Variants in EXOC6B observed in about 807,000 individuals in gnomAD.
The protein encoded by EXOC6B is SEC15 homolog B.
A neutral mutation model predicts 113.5 loss-of-function variants in EXOC6B; 54 were observed. The ratio of observed to expected loss-of-function variants is 0.48; its 90% CI spans 0.38 to 0.60. EXOC6B has a LOEUF of 0.60. EXOC6B is among the 20% of genes least tolerant of loss of function. The pLI is 0.00. For missense variants in EXOC6B, 797 were observed against 977.5 expected (o/e 0.82, Z 2.46); for synonymous variants, 357 against 339.0 (o/e 1.05, Z -0.58).
At chr2:72,336,622 A>G (rs1403078566) in intron 19 of EXOC6B, among the ~76,000 whole-genome samples, 1 of 152,226 alleles carries the variant, frequency 6.6e-6, no homozygotes, top group Non-Finnish European at 1.5e-5. Context: ...TGGCAGTACT[A>G]AAGTTTCTAT....
In EXOC6B at chr2:72,480,720, A is replaced by G. The variant is rs2105487628; in HGVS notation, c.1696T>C (p.Leu566=). 1 of 1,599,550 alleles carries G rather than the reference A, an allele frequency of 6.3e-7. No homozygotes were observed. Among genetic ancestry groups the G allele is most frequent in the Non-Finnish European group, 8.5e-7 (1 of 1,172,166 alleles). The part of the protein sequence containing the change: ...LVQIIINTTH[L]EKSCKYLEEF... Reference sequence around the variant, plus strand: ...TCCAAGTACTTACAGGATTTCTCCAAATGTGTTGTATTGATAATAATCTGA... The same window carrying G: ...TCCAAGTACTTACAGGATTTCTCCAGATGTGTTGTATTGATAATAATCTGA... Residue 566 remains leucine, a synonymous_variant, in exon 17 of 22, where the codon TTG becomes CTG. Coordinates refer to ENST00000272427, the MANE Select transcript of EXOC6B (RefSeq NM_015189.3).
intron 1 of EXOC6B, among the ~76,000 whole-genome samples, chr2:72,801,408 T>A (rs556695777): frequency 6.6e-6 from 1 of 152,130 alleles, no homozygotes; most frequent in Non-Finnish European, 1.5e-5. Flanking sequence ...AAAAAATACA[T>A]CACTGAAAAA....
chr2:72,275,295 C>T (rs1227673114), intron 20 of EXOC6B, among the ~76,000 whole-genome samples: 1 of 152,134 alleles, frequency 6.6e-6, no homozygotes, highest in South Asian at 2.1e-4. Context: ...GTTTTACCTA[C>T]CTCATTTTGA....
At chr2:72,236,556 T>C (rs1342840045) in intron 20 of EXOC6B, among the ~76,000 whole-genome samples, 1 of 152,146 alleles carries the variant, frequency 6.6e-6, no homozygotes, top group African/African-American at 2.4e-5. Context: ...GCAGCATTTC[T>C]TGGAAACTTC....
chr2:72,332,872 T>C (rs1485837453), intron 20 of EXOC6B, among the ~76,000 whole-genome samples: 1 of 152,114 alleles, frequency 6.6e-6, no homozygotes, highest in Non-Finnish European at 1.5e-5. Flanking sequence ...GTTCTGAGAA[T>C]GACTAAGATG....
intron 1 of EXOC6B, among the ~76,000 whole-genome samples, chr2:72,824,270 T>C (rs1686768462): frequency 6.6e-6 from 1 of 151,954 alleles, no homozygotes; most frequent in Non-Finnish European, 1.5e-5. Flanking sequence ...ACAGCTGTAG[T>C]CCCAGCTACT....
chr2:72,465,061 T>C, intron 18 of EXOC6B, 99 bp downstream of exon 18: 1 of 979,088 alleles, frequency 1.0e-6, no homozygotes, highest in Non-Finnish European at 1.6e-6. Context: ...ACTGAAAATC[T>C]TCCTGGGTAG....
At chr2:72,223,568 T>C (rs1681008668) in intron 20 of EXOC6B, among the ~76,000 whole-genome samples, 2 of 152,328 alleles carry the variant, frequency 1.3e-5, no homozygotes, top group South Asian at 4.1e-4. Context: ...ATATATCATC[T>C]AATGAAAAGG....
At position 72,514,968 on chromosome 2, in the gene EXOC6B, C is replaced by T. The variant is rs1301971315; in HGVS notation, c.999+75G>A. 61 of 1,292,158 alleles carry T rather than the reference C, an allele frequency of 4.7e-5. No individual in the cohort carries two copies. Among genetic ancestry groups the T allele is most frequent in the Non-Finnish European group, 6.5e-5 (59 of 910,988 alleles). The allele number at this position is 1,292,158 out of a possible 1,614,324, so 80.0% of individuals were successfully genotyped here. On this transcript the variant is annotated intron_variant, in intron 9 of 21. Coordinates refer to ENST00000272427, the MANE Select transcript of EXOC6B (RefSeq NM_015189.3). ...ACACACACACAGACACACACACACA[C>T]ACACACACACACGCATCAAAAGACA... is the stretch of plus-strand genomic sequence containing the variant.
chr2:72,276,235 AAAC>A (rs1275332792), intron 20 of EXOC6B, among the ~76,000 whole-genome samples: 1 of 152,162 alleles, frequency 6.6e-6, no homozygotes, highest in Non-Finnish European at 1.5e-5. Context: ...TCACTGCCAG[AAAC>A]AAAACTGGCT....
At chr2:72,467,174 G>GT in intron 17 of EXOC6B, among the ~76,000 whole-genome samples, 1 of 152,186 alleles carries the variant, frequency 6.6e-6, no homozygotes, top group Non-Finnish European at 1.5e-5. Flanking sequence ...TCCTTCTTTT[G>GT]TAAGACTGTA....
chr2:72,653,246 G>A (rs2104412022), intron 6 of EXOC6B, among the ~76,000 whole-genome samples: 1 of 150,830 alleles, frequency 6.6e-6, no homozygotes, highest in Admixed American at 6.6e-5. Flanking sequence ...ATGAGTTCAT[G>A]TCCTTTGTAG....
intron 17 of EXOC6B, among the ~76,000 whole-genome samples, chr2:72,474,714 C>T (rs1240510709): frequency 1.3e-5 from 2 of 151,968 alleles, no homozygotes; most frequent in East Asian, 1.9e-4. Context: ...TCTCACTGAG[C>T]GTCTTTAGAA....
At chr2:72,192,242 G>A (rs1437761078) in intron 20 of EXOC6B, among the ~76,000 whole-genome samples, 11 of 152,196 alleles carry the variant, frequency 7.2e-5, no homozygotes, top group Admixed American at 7.2e-4. Context: ...AGTCAGCAAA[G>A]ACATGGCACA....
chr2:72,328,876 T>C (rs1688281084), intron 20 of EXOC6B, among the ~76,000 whole-genome samples: 1 of 152,118 alleles, frequency 6.6e-6, no homozygotes, highest in African/African-American at 2.4e-5. Flanking sequence ...TCATTCCTTC[T>C]AATCCTATTA....
chr2:72,434,605 G>A (rs1330854954), intron 18 of EXOC6B, among the ~76,000 whole-genome samples: 1 of 152,160 alleles, frequency 6.6e-6, no homozygotes, highest in Non-Finnish European at 1.5e-5. Flanking sequence ...TCTATTAAGA[G>A]ATTCAACTTC....
intron 20 of EXOC6B, among the ~76,000 whole-genome samples, chr2:72,296,259 G>A (rs529855406): frequency 6.6e-6 from 1 of 152,208 alleles, no homozygotes; most frequent in South Asian, 2.1e-4. Flanking sequence ...CGCTGAAATA[G>A]TACCTTGATA....
chr2:72,259,262 A>G (rs2104575474), intron 20 of EXOC6B, among the ~76,000 whole-genome samples: 2 of 152,296 alleles, frequency 1.3e-5, no homozygotes, highest in Non-Finnish European at 2.9e-5. Context: ...TCACCTGTAA[A>G]ATTTCACATA....
At chr2:72,298,434 T>C (rs1306735860) in intron 20 of EXOC6B, among the ~76,000 whole-genome samples, 1 of 152,144 alleles carries the variant, frequency 6.6e-6, no homozygotes, top group Non-Finnish European at 1.5e-5. Flanking sequence ...CTTGACTCTT[T>C]ATCCAATTTG....
Sources: gnomAD v4.1 joint callset for allele counts (sites outside exome capture counted in the v4.1 genomes callset) on GRCh38, gnomAD v4.1.1 for gene constraint, MANE v1.5 for transcripts, NCBI Gene and HGNC (gene_info 2026-07-23, HGNC 2026-07-21) for gene names.